SLC17A4: variants seen among roughly 807,000 people sequenced by gnomAD.
SLC17A4 encodes the protein probable small intestine urate exporter.
A neutral mutation model predicts 52.5 loss-of-function variants in SLC17A4; 33 were observed. That is an observed-to-expected ratio of 0.63 (90% CI 0.48 to 0.84). SLC17A4 has a LOEUF of 0.84. Ranked by LOEUF, SLC17A4 falls within the 40% of genes least tolerant of loss-of-function variation. The probability of loss-of-function intolerance (pLI) is 0.00; values close to 1 mark genes in which losing one functional copy is unlikely to be tolerated. For synonymous variants in SLC17A4, 225 were observed against 216.2 expected, an observed-to-expected ratio of 1.04 and a Z score of -0.36; for missense variants, 585 against 597.1, an observed-to-expected ratio of 0.98 and a Z score of 0.21.
In SLC17A4 at chr6:25,762,147, T is replaced by G. The variant is rs192487069; in HGVS notation, c.91+94T>G. 5.1e-5 allele frequency: 54 copies of G among 1,058,514 alleles called. No homozygotes were observed. In the East Asian group the frequency reaches 1.4e-3, roughly 28 times the overall value. 65.6% of individuals were successfully genotyped at this position (1,058,514 alleles called of 1,614,324 possible). A position where few individuals can be genotyped will look rare whatever the true frequency, so the allele number is the denominator to read the frequency against. Reference sequence around the variant, plus strand: ...AAATAAAACTAGGATCTGTGGCATCTTTTGTTGATACACATCATTTTCCTT... The same window carrying G: ...AAATAAAACTAGGATCTGTGGCATCGTTTGTTGATACACATCATTTTCCTT... On this transcript the variant is annotated intron_variant, in intron 2 of 11. Transcript: ENST00000377905.
Position 25,773,163 on chromosome 6 carries a change from G to A in SLC17A4, c.707-112G>A, listed in dbSNP as rs1451448594. ...GGGCCATGCAAGGGATAGATGCCAGGAAGAGTGGTGTACTGAGGCCAGTCA... is the reference window on the plus strand; with the variant it reads ...GGGCCATGCAAGGGATAGATGCCAGAAAGAGTGGTGTACTGAGGCCAGTCA... On this transcript the variant is annotated intron_variant, in intron 6 of 11. Transcript: ENST00000377905. 2.5e-5 allele frequency: 20 copies of A among 810,222 alleles called. 1 individual carries two copies. The South Asian group carries it at 3.1e-4, about 12-fold the overall frequency. The allele number at this position is 810,222 out of a possible 1,614,324, so 50.2% of individuals were successfully genotyped here.
intron 8 of SLC17A4, 90 bp from the exon 9 acceptor site, chr6:25,776,505 G>T (rs1175730731): frequency 1.4e-6 from 2 of 1,475,278 alleles, no homozygotes; most frequent in East Asian, 2.3e-5. Flanking sequence ...ATAAAGAAAA[G>T]CCACAAATGT....
chr6:25,769,559 A>AAC (rs1561805135), intron 3 of SLC17A4, among the ~76,000 whole-genome samples: 1 of 147,072 alleles, frequency 6.8e-6, no homozygotes. Flanking sequence ...TTCTGTCTTA[A>AAC]AAAAAAAAAA....
chr6:25,779,197 A>G lies in SLC17A4; in HGVS notation c.*9A>G, dbSNP rs1258531454. ...CATTCACCCACCTCTGAGCAAACCG[A>G]GAGATGTGCTAGATCCTGGTGCTTA... is the stretch of plus-strand genomic sequence containing the variant. On this transcript the variant is annotated 3_prime_UTR_variant, in exon 12 of 12. Transcript: ENST00000377905. The G allele has an allele frequency of 6.2e-7, 1 of 1,613,272 alleles. No homozygotes were observed. The highest frequency in any genetic ancestry group is 1.7e-5 in the Admixed American group (1 of 59,924).
intron 2 of SLC17A4, chr6:25,768,466 T>A (rs923974411): frequency 1.3e-6 from 1 of 786,084 alleles, no homozygotes; most frequent in African/African-American, 1.9e-5. Context: ...TAAGATGAAG[T>A]TTAAATACTT....
chr6:25,771,878 C>T (rs986867734), intron 6 of SLC17A4, among the ~76,000 whole-genome samples: 2 of 152,100 alleles, frequency 1.3e-5, no homozygotes, highest in African/African-American at 4.8e-5. Flanking sequence ...TTGGAAAGTT[C>T]CAGAGGCAGT....
intron 2 of SLC17A4, among the ~76,000 whole-genome samples, chr6:25,763,266 C>T (rs1460446651): frequency 6.6e-6 from 1 of 152,126 alleles, no homozygotes; most frequent in Non-Finnish European, 1.5e-5. Flanking sequence ...CCCACTTTAC[C>T]CTGGCCTGTT....
chr6:25,758,608 T>C (rs370279500), intron 1 of SLC17A4, among the ~76,000 whole-genome samples: 1 of 152,216 alleles, frequency 6.6e-6, no homozygotes, highest in African/African-American at 2.4e-5. Context: ...TGAATGATAT[T>C]TTGTATTTCT....
Position 25,762,044 on chromosome 6 carries a change from T to C in SLC17A4, c.82T>C (p.Ser28Pro). 1 of 1,613,046 alleles carries C rather than the reference T, an allele frequency of 6.2e-7. No homozygotes were observed. The highest frequency in any genetic ancestry group is 8.5e-7 in the Non-Finnish European group (1 of 1,179,612). ...TTTAAACGTGGCTCAAGAGGAATGCTCCAGGAAAGGTAAAATCATGCACAG... is the reference window on the plus strand; with the variant it reads ...TTTAAACGTGGCTCAAGAGGAATGCCCCAGGAAAGGTAAAATCATGCACAG... ...GNLNVAQEEC[S>P]RKGFCSVRHG... is the part of the protein sequence containing the mutation. Residue 28 changes from serine (S) to proline (P), a missense_variant, in exon 2 of 12, where the codon TCC (serine) becomes CCC (proline). Ser to Pro is a moderately conservative substitution (Grantham distance 74, BLOSUM62 -1). Coordinates refer to ENST00000377905, the MANE Select transcript of SLC17A4 (RefSeq NM_005495.3).
chr6:25,776,888 G>C lies in SLC17A4; in HGVS notation c.1197G>C (p.Leu399Phe), dbSNP rs745536206. The C allele has an allele frequency of 2.0e-5, 32 of 1,613,762 alleles. No individual in the cohort carries two copies. Among genetic ancestry groups the C allele is most frequent in the Non-Finnish European group, 2.7e-5 (32 of 1,179,860 alleles). The stretch of plus-strand genomic sequence containing the variant: ...GCCACAGCATGACCATGACCTTCTT[G>C]GTGCTGTCTTCTGCCATCAGCAGCT... Reference protein sequence around the residue: ...RSSHSMTMTFLVLSSAISSFC... With the variant: ...RSSHSMTMTFFVLSSAISSFC... Residue 399 changes from leucine (L) to phenylalanine (F), a missense_variant, in exon 10 of 12, where the codon TTG (leucine) becomes TTC (phenylalanine). Physicochemically the swap from Leu to Phe is conservative, Grantham distance 22. Coordinates refer to ENST00000377905, the MANE Select transcript of SLC17A4 (RefSeq NM_005495.3).
intron 2 of SLC17A4, among the ~76,000 whole-genome samples, chr6:25,763,850 A>G (rs1320722073): frequency 6.6e-6 from 1 of 152,218 alleles, no homozygotes; most frequent in East Asian, 1.9e-4. Context: ...CTTTTCCCCC[A>G]GAAGTCCATG....
intron 8 of SLC17A4, among the ~76,000 whole-genome samples, chr6:25,775,235 G>A (rs376611981): frequency 2.0e-4 from 30 of 151,890 alleles, no homozygotes; most frequent in Admixed American, 7.9e-4. Context: ...AGGAGGCTGA[G>A]GCATGAGAAT....
intron 11 of SLC17A4, 71 bp downstream of exon 11, chr6:25,778,087 G>T (rs769894042): frequency 2.7e-6 from 3 of 1,122,934 alleles, no homozygotes; most frequent in Non-Finnish European, 2.6e-6. Context: ...ACATATGCAC[G>T]GCCTTGTATC....
At chr6:25,770,550 TTA>T in intron 5 of SLC17A4, 79 bp downstream of exon 5, 1 of 1,263,244 alleles carries the variant, frequency 7.9e-7, no homozygotes, top group Non-Finnish European at 1.2e-6. Flanking sequence ...AACCAAGATC[TTA>T]TATATCAATC....
chr6:25,776,918 TGAATCAGGAGCCCTTGTTAACTTCTTG>T lies in SLC17A4; in HGVS notation c.1230_1256del (p.Glu410_Leu418del). 1 of 1,613,740 alleles carries T rather than the reference TGAATCAGGAGCCCTTGTTAACTTCTTG, an allele frequency of 6.2e-7. No individual in the cohort carries two copies. Among genetic ancestry groups the T allele is most frequent in the Non-Finnish European group, 8.5e-7 (1 of 1,179,776 alleles). On this transcript the variant is annotated inframe_deletion, in exon 10 of 12. Coordinates refer to ENST00000377905, the MANE Select transcript of SLC17A4 (RefSeq NM_005495.3). ...TGTCTTCTGCCATCAGCAGCTTCTG[TGAATCAGGAGCCCTTGTTAACTTCTTG>T]GATATTGCTCCTCGGTAGGGACCTC...
At chr6:25,778,825 A>T (rs1001646578) in intron 11 of SLC17A4, among the ~76,000 whole-genome samples, 13 of 152,188 alleles carry the variant, frequency 8.5e-5, no homozygotes, top group African/African-American at 3.1e-4. Context: ...GGGAGTGAAG[A>T]TGTGAGACAA....
intron 2 of SLC17A4, among the ~76,000 whole-genome samples, chr6:25,765,955 G>T (rs1761973446): frequency 6.6e-6 from 1 of 151,862 alleles, no homozygotes; most frequent in African/African-American, 2.4e-5. Flanking sequence ...ATCAGGCAGA[G>T]AGATTAAATA....
At chr6:25,766,639 G>A (rs538886236) in intron 2 of SLC17A4, among the ~76,000 whole-genome samples, 1 of 152,240 alleles carries the variant, frequency 6.6e-6, no homozygotes, top group African/African-American at 2.4e-5. Context: ...AATATGATGT[G>A]ATGAGAATGA....
intron 6 of SLC17A4, among the ~76,000 whole-genome samples, chr6:25,772,205 C>G (rs967488685): frequency 2.0e-5 from 3 of 152,130 alleles, no homozygotes; most frequent in African/African-American, 7.2e-5. Flanking sequence ...ACAAGAAAAT[C>G]TTACTGTGCT....
Sources: allele counts gnomAD v4.1 joint callset (sites outside exome capture counted in the v4.1 genomes callset), GRCh38; gene constraint gnomAD v4.1.1; transcripts MANE v1.5; gene names NCBI Gene and HGNC (gene_info 2026-07-23, HGNC 2026-07-21).